The following SPSB4 variants were observed in gnomAD, a reference collection of about 807,000 sequenced individuals.
SPSB4 encodes splA/ryanodine receptor domain and SOCS box containing 4.
Under a neutral mutation model 20.9 loss-of-function variants are expected in SPSB4, and 21 were observed. That is an observed-to-expected ratio of 1.01 (90% CI 0.71 to 1.45). The LOEUF (loss-of-function observed/expected upper bound fraction) is 1.45. Among genes scored for constraint, SPSB4 ranks in the 40% most tolerant of loss-of-function variants. The pLI is 0.00. For synonymous variants in SPSB4, 207 were observed against 183.8 expected, an observed-to-expected ratio of 1.13 and a Z score of -1.02; for missense variants, 399 against 399.2, an observed-to-expected ratio of 1.00 and a Z score of 0.00.
At chr3:141,080,229 A>G (rs1938203867) in intron 2 of SPSB4, 1 of 152,216 alleles carries the variant, frequency 6.6e-6, no homozygotes, top group African/African-American at 2.4e-5. Flanking sequence ...GGGTTGCACC[A>G]TGAGTGGTAG....
intron 1 of SPSB4, among the ~76,000 whole-genome samples, chr3:141,058,889 G>T (rs1299251132): frequency 6.6e-6 from 1 of 152,216 alleles, no homozygotes; most frequent in East Asian, 1.9e-4. Flanking sequence ...CTTTAGCCCT[G>T]GCCCTTTCTC....
At chr3:141,134,470 T>C (rs1400762170) in intron 2 of SPSB4, among the ~76,000 whole-genome samples, 5 of 152,148 alleles carry the variant, frequency 3.3e-5, no homozygotes, top group African/African-American at 1.2e-4. Flanking sequence ...ATAGATGGCT[T>C]TTATTACCTT....
At chr3:141,136,211 T>A (rs1939225058) in intron 2 of SPSB4, among the ~76,000 whole-genome samples, 1 of 152,234 alleles carries the variant, frequency 6.6e-6, no homozygotes, top group African/African-American at 2.4e-5. Flanking sequence ...GAAAATTTGT[T>A]TGAGTTCTTT....
rs368290058 is a variant in SPSB4, at chr3:141,066,668, C to G, written c.564C>G (p.Leu188=). Residue 188 remains leucine (L), a synonymous_variant, in exon 2 of 3, where the codon CTC becomes CTG. Coordinates refer to ENST00000310546, the MANE Select transcript of SPSB4 (RefSeq NM_080862.3). ...LVVLDMDEGT[L]SFIVDGQYLG... is the part of the protein sequence containing the mutation. ...TGCTGGACATGGATGAGGGCACACT[C>G]AGCTTCATCGTGGATGGCCAGTACC... 1.2e-6 allele frequency: 2 copies of G among 1,613,362 alleles called. No homozygotes were observed. Among genetic ancestry groups the G allele is most frequent in the East Asian group, 2.2e-5 (1 of 44,884 alleles).
intron 1 of SPSB4, among the ~76,000 whole-genome samples, chr3:141,054,127 T>A (rs1398774774): frequency 6.6e-6 from 1 of 152,234 alleles, no homozygotes; most frequent in Non-Finnish European, 1.5e-5. Flanking sequence ...CAGTGCAGAA[T>A]TCCTTGCCCT....
intron 1 of SPSB4, among the ~76,000 whole-genome samples, chr3:141,065,614 G>C (rs1937848960): frequency 6.6e-6 from 1 of 152,248 alleles, no homozygotes. Flanking sequence ...CCTGAAGCCA[G>C]ATGACCTTGG....
In SPSB4 at chr3:141,084,301, G is replaced by T. The variant is rs144512097; in HGVS notation, c.694+17503G>T. On this transcript the variant is annotated intron_variant, in intron 2 of 2. Transcript: ENST00000310546. ...TCAGCCTCTGAAGGGGCCTCTAACC[G>T]TCCCTTCCCTCCACCTCCCCCACAC... is the stretch of plus-strand genomic sequence containing the variant. Among the ~76,000 whole-genome samples, 3 of 152,068 alleles carry T rather than the reference G, an allele frequency of 2.0e-5. No individual in the cohort carries two copies. The East Asian group carries it at 5.8e-4, about 29-fold the overall frequency.
intron 2 of SPSB4, among the ~76,000 whole-genome samples, chr3:141,112,032 G>A (rs55645045): frequency 0.011 from 1,631 of 152,262 alleles, 36 homozygotes; most frequent in African/African-American, 0.037. Flanking sequence ...GAGAAAACCC[G>A]CCCTTCTCCT....
intron 2 of SPSB4, among the ~76,000 whole-genome samples, chr3:141,127,846 G>A (rs952712178): frequency 6.6e-6 from 1 of 152,272 alleles, no homozygotes; most frequent in East Asian, 1.9e-4. Flanking sequence ...ATTCTCTTAG[G>A]CCCTGCAGTA....
At chr3:141,056,312 G>A (rs575811810) in intron 1 of SPSB4, among the ~76,000 whole-genome samples, 10 of 152,168 alleles carry the variant, frequency 6.6e-5, no homozygotes, top group Non-Finnish European at 1.0e-4. Context: ...TCTACCTTCA[G>A]GAGACATCTA....
At chr3:141,062,590 G>T (rs1407600432) in intron 1 of SPSB4, among the ~76,000 whole-genome samples, 1 of 152,072 alleles carries the variant, frequency 6.6e-6, no homozygotes, top group Non-Finnish European at 1.5e-5. Context: ...TTTTGTTATT[G>T]TTGTATTCCA....
intron 2 of SPSB4, among the ~76,000 whole-genome samples, chr3:141,101,681 A>G (rs1938614551): frequency 6.6e-6 from 1 of 152,216 alleles, no homozygotes; most frequent in Admixed American, 6.5e-5. Context: ...TCTTATTATT[A>G]CCTGTGTAAT....
chr3:141,147,527 C>T lies in SPSB4; in HGVS notation c.*258C>T. On this transcript the variant is annotated 3_prime_UTR_variant, in exon 3 of 3. Transcript: ENST00000310546. The stretch of plus-strand genomic sequence containing the variant: ...GCCACAGAGAGCCTGGAGTCTGCAC[C>T]TCCTGGAAATCCTGCCACCAACCAG... 1 of 480,764 alleles carries T rather than the reference C, an allele frequency of 2.1e-6. No homozygotes were observed. Among genetic ancestry groups the T allele is most frequent in the South Asian group, 3.2e-5 (1 of 31,546 alleles). The allele number at this position is 480,764 out of a possible 1,614,324, so 29.8% of individuals were successfully genotyped here.
At chr3:141,063,163 A>G (rs1416431746) in intron 1 of SPSB4, among the ~76,000 whole-genome samples, 2 of 152,216 alleles carry the variant, frequency 1.3e-5, no homozygotes, top group Non-Finnish European at 1.5e-5. Flanking sequence ...CTTGCCTAAT[A>G]TTAAGATTAC....
intron 2 of SPSB4, among the ~76,000 whole-genome samples, chr3:141,128,138 G>T (rs116692658): frequency 1.6e-4 from 24 of 152,344 alleles, no homozygotes; most frequent in African/African-American, 5.3e-4. Flanking sequence ...GGTGGGGAAG[G>T]GGGTGGAGTG....
chr3:141,065,059 C>T (rs1342759522), intron 1 of SPSB4, among the ~76,000 whole-genome samples: 1 of 152,166 alleles, frequency 6.6e-6, no homozygotes, highest in Non-Finnish European at 1.5e-5. Context: ...TCAAGTTCCC[C>T]CATCACCAGA....
chr3:141,073,910 G>GC (rs1938053536), intron 2 of SPSB4, among the ~76,000 whole-genome samples: 1 of 152,176 alleles, frequency 6.6e-6, no homozygotes, highest in Non-Finnish European at 1.5e-5. Flanking sequence ...TTCAGAAACT[G>GC]CCCCCTACCC....
At chr3:141,084,759 C>T (rs961275144) in intron 2 of SPSB4, among the ~76,000 whole-genome samples, 1 of 152,230 alleles carries the variant, frequency 6.6e-6, no homozygotes, top group African/African-American at 2.4e-5. Flanking sequence ...AGCTTTTCTG[C>T]ACTACGGCAG....
At chr3:141,131,325 A>G (rs1939126558) in intron 2 of SPSB4, among the ~76,000 whole-genome samples, 1 of 152,086 alleles carries the variant, frequency 6.6e-6, no homozygotes, top group Admixed American at 6.5e-5. Context: ...CTCACCAAGT[A>G]CTTCTGTCAG....
Sources: allele counts gnomAD v4.1 joint callset (sites outside exome capture counted in the v4.1 genomes callset), GRCh38; gene constraint gnomAD v4.1.1; transcripts MANE v1.5; gene names NCBI Gene and HGNC (gene_info 2026-07-23, HGNC 2026-07-21).